CAMK2A: variants seen among roughly 807,000 people sequenced by gnomAD.
CAMK2A encodes the protein calcium/calmodulin-dependent protein kinase type II subunit alpha.
A neutral mutation model predicts 79.2 loss-of-function variants in CAMK2A; 7 were observed. That is an observed-to-expected ratio of 0.09 (90% confidence interval 0.05 to 0.17). The LOEUF (loss-of-function observed/expected upper bound fraction) is 0.17. Ranked by LOEUF, CAMK2A falls within the 10% of genes least tolerant of loss-of-function variation. CAMK2A has a pLI of 1.00. For missense variants in CAMK2A, 214 were observed against 646.4 expected (o/e 0.33, Z 7.25); for synonymous variants, 242 against 251.7 (o/e 0.96, Z 0.36).
intron 15 of CAMK2A, among the ~76,000 whole-genome samples, chr5:150,237,368 A>T: frequency 2.1e-5 from 1 of 48,262 alleles, no homozygotes; most frequent in East Asian, 6.7e-4. Context: ...TATTTCAGAG[A>T]CCCCCCCCTG....
At chr5:150,251,866 C>T (rs761046027) in intron 8 of CAMK2A, 22 bp from the exon 9 acceptor site, 10 of 1,581,424 alleles carry the variant, frequency 6.3e-6, no homozygotes, top group Admixed American at 5.2e-5. Context: ...ACCAGAGAAC[C>T]TTCAACCCCC....
At chr5:150,274,169 T>G (rs561267034) in intron 1 of CAMK2A, among the ~76,000 whole-genome samples, 1 of 152,336 alleles carries the variant, frequency 6.6e-6, no homozygotes, top group South Asian at 2.1e-4. Context: ...ATTGTCACAT[T>G]AAGAGTGAAG....
intron 17 of CAMK2A, among the ~76,000 whole-genome samples, chr5:150,227,305 C>T (rs1754647064): frequency 6.6e-6 from 1 of 152,132 alleles, no homozygotes; most frequent in African/African-American, 2.4e-5. Context: ...CAGAGTCTTT[C>T]CCCCTGATGG....
At position 150,278,947 on chromosome 5, in the gene CAMK2A, A is replaced by G. The variant is rs574126561; in HGVS notation, c.63-5788T>C. Among the ~76,000 whole-genome samples, 255 of 152,272 alleles carry G rather than the reference A, an allele frequency of 1.7e-3. 1 individual carries two copies. The highest frequency in any genetic ancestry group is 5.4e-3 in the African/African-American group (223 of 41,536). ...GAGGGGTGTGTGGGGGGAGAGACAG[A>G]CAGGCAGACACCGGAGGAACCAAGT... On this transcript the variant is annotated intron_variant, in intron 1 of 18. Transcript: ENST00000671881.
intron 1 of CAMK2A, 132 bp from the exon 2 acceptor site, chr5:150,273,291 C>T: frequency 1.5e-6 from 1 of 646,618 alleles, no homozygotes; most frequent in Non-Finnish European, 2.7e-6. Flanking sequence ...CTCACAGGGG[C>T]TTCTGTGACC....
At chr5:150,270,805 C>T (rs540395626) in intron 2 of CAMK2A, among the ~76,000 whole-genome samples, 1 of 152,246 alleles carries the variant, frequency 6.6e-6, no homozygotes, top group Non-Finnish European at 1.5e-5. Context: ...CAAAGAGAGG[C>T]GGTTTGGACA....
chr5:150,219,571 C>G lies in CAMK2A; in HGVS notation c.*3139G>C, dbSNP rs7721896. 428 of 135,064 alleles carry G rather than the reference C, an allele frequency of 3.2e-3. 16 individuals carry two copies. Among genetic ancestry groups the G allele is most frequent in the Non-Finnish European group, 5.2e-3 (333 of 64,098 alleles). The allele number at this position is 135,064 out of a possible 1,614,324, so 8.4% of individuals were successfully genotyped here. On this transcript the variant is annotated 3_prime_UTR_variant, in exon 19 of 19. Transcript: ENST00000671881. Reference sequence around the variant, plus strand: ...GCCCCTTCTTCCCATCCCACCCGCCCCCCCCAATAGCAGAAAGTTTGAGCA... The same window carrying G: ...GCCCCTTCTTCCCATCCCACCCGCCGCCCCCAATAGCAGAAAGTTTGAGCA...
chr5:150,239,441 G>T (rs908739895), intron 14 of CAMK2A, among the ~76,000 whole-genome samples: 2 of 152,210 alleles, frequency 1.3e-5, no homozygotes, highest in African/African-American at 4.8e-5. Flanking sequence ...ATAGGACTGG[G>T]TTCAGATCCA....
intron 13 of CAMK2A, among the ~76,000 whole-genome samples, chr5:150,241,715 C>G (rs1407480186): frequency 6.8e-6 from 1 of 147,868 alleles, no homozygotes; most frequent in Admixed American, 6.7e-5. Context: ...TCTCTTCCTT[C>G]TTTTCCTCTT....
intron 2 of CAMK2A, chr5:150,265,337 C>T (rs1162286178): frequency 1.2e-4 from 33 of 279,908 alleles, no homozygotes; most frequent in Admixed American, 1.0e-3. Context: ...ACTAAATGGC[C>T]GACTTCACCT....
At chr5:150,273,910 T>C (rs553667719) in intron 1 of CAMK2A, among the ~76,000 whole-genome samples, 1 of 152,346 alleles carries the variant, frequency 6.6e-6, no homozygotes, top group South Asian at 2.1e-4. Context: ...ATATCTCCTA[T>C]GTATGCATGT....
chr5:150,219,842 G>T lies in CAMK2A; in HGVS notation c.*2868C>A, dbSNP rs997135196. On this transcript the variant is annotated 3_prime_UTR_variant, in exon 19 of 19. Coordinates refer to ENST00000671881, the MANE Select transcript of CAMK2A (RefSeq NM_015981.4). ...GTTTTCATGCTGGAGCCAAGGTTTT[G>T]ACTTGGGTTTGGATTTTTATTTATT... 4 of 149,042 alleles carry T rather than the reference G, an allele frequency of 2.7e-5. No individual in the cohort carries two copies. Among genetic ancestry groups the T allele is most frequent in the African/African-American group, 7.4e-5 (3 of 40,780 alleles). 9.2% of individuals were successfully genotyped at this position (149,042 alleles called of 1,614,324 possible).
intron 1 of CAMK2A, among the ~76,000 whole-genome samples, chr5:150,289,340 C>T (rs1757566173): frequency 6.6e-6 from 1 of 152,226 alleles, no homozygotes; most frequent in Non-Finnish European, 1.5e-5. Flanking sequence ...TTCATCCCTA[C>T]ATACACACTG....
chr5:150,268,479 C>T (rs956493457), intron 2 of CAMK2A, among the ~76,000 whole-genome samples: 2 of 152,210 alleles, frequency 1.3e-5, no homozygotes. Context: ...CTAAGCATGT[C>T]CCTCCTGCCA....
Position 150,273,166 on chromosome 5 carries a change from G to T in CAMK2A, c.63-7C>A. 6.2e-7 allele frequency: 1 copy of T among 1,609,892 alleles called. No homozygotes were observed. ...CACCACCGAGAAGGCTCCCCTAGGA[G>T]GACAGAGAAGGTGGAGAGGGTGAGG... On this transcript the variant is annotated splice_polypyrimidine_tract_variant and splice_region_variant and intron_variant, in intron 1 of 18. Coordinates refer to ENST00000671881, the MANE Select transcript of CAMK2A (RefSeq NM_015981.4).
chr5:150,226,745 G>GT (rs1491413709), intron 17 of CAMK2A, among the ~76,000 whole-genome samples: 1 of 48,068 alleles, frequency 2.1e-5, no homozygotes, highest in Non-Finnish European at 3.6e-5. Flanking sequence ...AAAAAAAAAA[G>GT]GGGGGGGGGG....
chr5:150,270,045 C>T (rs1245172514), intron 2 of CAMK2A, among the ~76,000 whole-genome samples: 1 of 152,212 alleles, frequency 6.6e-6, no homozygotes, highest in Non-Finnish European at 1.5e-5. Context: ...TCTAGCTGCA[C>T]CAGCCTCATG....
chr5:150,275,732 A>G (rs1259632639), intron 1 of CAMK2A, among the ~76,000 whole-genome samples: 2 of 152,242 alleles, frequency 1.3e-5, no homozygotes, highest in African/African-American at 4.8e-5. Context: ...GAGGAGGGGC[A>G]CAGAGCAAGG....
At position 150,257,565 on chromosome 5, in the gene CAMK2A, G is replaced by A. The variant is rs1464070393; in HGVS notation, c.270C>T (p.Asp90=). 1.9e-6 allele frequency: 3 copies of A among 1,567,132 alleles called. No individual in the cohort carries two copies. In the African/African-American group the frequency reaches 4.1e-5, roughly 21 times the overall value. The change falls in exon 4 of 19, where the codon GAC becomes GAT. Residue 90 remains aspartate, a splice_region_variant and synonymous_variant. Coordinates refer to ENST00000671881, the MANE Select transcript of CAMK2A (RefSeq NM_015981.4). ...TCCCAGGGCGGGGCCAAACTCACAG[G>A]TCGAAGATCAGGTAGTGGTGTCCCT... The part of the protein sequence containing the change: ...SEEGHHYLIF[D]LVTGGELFED...
Sources: allele counts gnomAD v4.1 joint callset (sites outside exome capture counted in the v4.1 genomes callset), GRCh38; gene constraint gnomAD v4.1.1; transcripts MANE v1.5; gene names NCBI Gene and HGNC (gene_info 2026-07-23, HGNC 2026-07-21).